The following STX8 variants were observed in gnomAD, a reference collection of about 807,000 sequenced individuals.
STX8 encodes the protein syntaxin 8, also known as syntaxin-8.
In STX8, 23 loss-of-function variants were observed where a neutral mutation model predicts 37.5. The observed-to-expected ratio is 0.61, with a 90% CI of 0.44 to 0.87. The LOEUF is 0.87. Among genes scored for constraint, STX8 ranks in the 40% least tolerant of loss-of-function variants. The probability of loss-of-function intolerance (pLI) is 0.00; values close to 1 mark genes in which losing one functional copy is unlikely to be tolerated. For synonymous variants in STX8, 115 were observed against 99.1 expected (o/e 1.16, Z -0.95); for missense variants, 313 against 284.7 (o/e 1.10, Z -0.71).
chr17:9,447,945 G>A (rs933899335), intron 6 of STX8, among the ~76,000 whole-genome samples: 14 of 151,692 alleles, frequency 9.2e-5, no homozygotes, highest in Non-Finnish European at 1.9e-4. Flanking sequence ...TTGGGAGGCC[G>A]AGGCAGGCAG....
chr17:9,427,453 T>G (rs1173386409), intron 6 of STX8, among the ~76,000 whole-genome samples: 1 of 152,092 alleles, frequency 6.6e-6, no homozygotes, highest in Non-Finnish European at 1.5e-5. Flanking sequence ...ATATATACAT[T>G]CCTGAAAAAT....
chr17:9,293,928 AT>A (rs368515734), intron 7 of STX8, among the ~76,000 whole-genome samples: 2 of 149,524 alleles, frequency 1.3e-5, no homozygotes. Context: ...CGCCTGGCTA[AT>A]TTTTTTTTTG....
intron 4 of STX8, among the ~76,000 whole-genome samples, chr17:9,523,908 A>G (rs1034716956): frequency 6.6e-6 from 1 of 152,226 alleles, no homozygotes; most frequent in Non-Finnish European, 1.5e-5. Flanking sequence ...TCAATGAATA[A>G]TGCTTATGCA....
At chr17:9,566,832 C>T (rs1406972415) in intron 2 of STX8, among the ~76,000 whole-genome samples, 1 of 152,070 alleles carries the variant, frequency 6.6e-6, no homozygotes, top group Admixed American at 6.6e-5. Flanking sequence ...TGTATGTTCA[C>T]TGCAGCACTA....
chr17:9,575,376 T>C (rs1907861350), intron 1 of STX8, among the ~76,000 whole-genome samples: 1 of 152,290 alleles, frequency 6.6e-6, no homozygotes, highest in South Asian at 2.1e-4. Context: ...CCTCGGTTTC[T>C]CCACCTGTGA....
intron 6 of STX8, among the ~76,000 whole-genome samples, chr17:9,451,571 T>C (rs971496863): frequency 1.3e-5 from 2 of 152,216 alleles, no homozygotes; most frequent in South Asian, 2.1e-4. Flanking sequence ...TTCCAAGAGA[T>C]ATAATTTAAC....
intron 7 of STX8, among the ~76,000 whole-genome samples, chr17:9,299,366 G>C (rs1429373229): frequency 6.6e-5 from 10 of 150,914 alleles, no homozygotes; most frequent in Non-Finnish European, 1.0e-4. Context: ...CCGAGGAACT[G>C]TATTTCAGCC....
chr17:9,496,936 T>C (rs928114194), intron 5 of STX8, among the ~76,000 whole-genome samples: 22 of 152,300 alleles, frequency 1.4e-4, no homozygotes, highest in African/African-American at 5.3e-4. Flanking sequence ...GGACCTGCAT[T>C]GGACTACTCA....
intron 3 of STX8, chr17:9,553,218 G>A (rs1338495215): frequency 2.0e-5 from 3 of 152,116 alleles, no homozygotes; most frequent in African/African-American, 7.2e-5. Context: ...CTATCTCAAA[G>A]AAACACTGTG....
At chr17:9,323,911 C>T (rs145246641) in intron 7 of STX8, among the ~76,000 whole-genome samples, 1 of 152,166 alleles carries the variant, frequency 6.6e-6, no homozygotes, top group Admixed American at 6.5e-5. Context: ...TGGAGGTGAG[C>T]CCTGATCCCA....
intron 7 of STX8, among the ~76,000 whole-genome samples, chr17:9,270,505 C>T (rs915301625): frequency 3.3e-5 from 5 of 152,056 alleles, no homozygotes; most frequent in Admixed American, 2.0e-4. Context: ...CTGCCCACCT[C>T]GGCCTCCCAA....
At chr17:9,324,124 T>TCACACACA (rs1371111803) in intron 7 of STX8, among the ~76,000 whole-genome samples, 1 of 134,170 alleles carries the variant, frequency 7.5e-6, no homozygotes, top group African/African-American at 2.6e-5. Flanking sequence ...TCTCTCTCTC[T>TCACACACA]CTCACACACA....
intron 6 of STX8, among the ~76,000 whole-genome samples, chr17:9,490,121 C>A (rs915183765): frequency 1.3e-5 from 2 of 152,206 alleles, no homozygotes. Flanking sequence ...CCTCTCTGTG[C>A]TGAAACTATT....
Position 9,400,415 on chromosome 17 carries a change from T to TA in STX8, c.542-21763_542-21762insT, listed in dbSNP as rs1567544645. On this transcript the variant is annotated intron_variant, in intron 6 of 7. Coordinates refer to ENST00000306357, the MANE Select transcript of STX8 (RefSeq NM_004853.3). ...GCACCAGGCTTATTTATTTATTTTT[T>TA]TTTTTTTGAGATGGAGTCTCGCGCT... Among the ~76,000 whole-genome samples the TA allele has an allele frequency of 2.9e-3, 435 of 150,754 alleles. 2 individuals carry two copies. Among genetic ancestry groups the TA allele is most frequent in the African/African-American group, 0.01 (422 of 40,948 alleles).
At chr17:9,485,752 A>AT (rs1906568332) in intron 6 of STX8, among the ~76,000 whole-genome samples, 1 of 152,020 alleles carries the variant, frequency 6.6e-6, no homozygotes, top group South Asian at 2.1e-4. Flanking sequence ...CACCCAGCTA[A>AT]TTTTTTTATT....
At chr17:9,426,481 C>T (rs1035739567) in intron 6 of STX8, among the ~76,000 whole-genome samples, 6 of 152,186 alleles carry the variant, frequency 3.9e-5, no homozygotes, top group Admixed American at 6.5e-5. Context: ...GAGCCAAGAT[C>T]GTGCCACTGC....
At chr17:9,418,591 G>A (rs1913287724) in intron 6 of STX8, among the ~76,000 whole-genome samples, 1 of 150,938 alleles carries the variant, frequency 6.6e-6, no homozygotes, top group Admixed American at 6.6e-5. Flanking sequence ...CACTTTAGGA[G>A]GCTGAGGCAG....
intron 2 of STX8, among the ~76,000 whole-genome samples, chr17:9,566,388 C>T (rs951368209): frequency 3.9e-5 from 6 of 152,202 alleles, no homozygotes; most frequent in African/African-American, 9.7e-5. Context: ...TTGTGGAAGA[C>T]GGTGTGGCAA....
intron 7 of STX8, among the ~76,000 whole-genome samples, chr17:9,288,662 GAAAT>G (rs1301586173): frequency 6.7e-6 from 1 of 149,540 alleles, no homozygotes. Flanking sequence ...ACTCCGTCTC[GAAAT>G]AAATAAATAA....
Sources: allele counts gnomAD v4.1 joint callset (sites outside exome capture counted in the v4.1 genomes callset), GRCh38; gene constraint gnomAD v4.1.1; transcripts MANE v1.5; gene names NCBI Gene and HGNC (gene_info 2026-07-23, HGNC 2026-07-21).